CEP170B: variants seen among roughly 807,000 people sequenced by gnomAD.
CEP170B encodes centrosomal protein 170B, also known as centrosomal protein of 170 kDa protein B.
Under a neutral mutation model 120.6 loss-of-function variants are expected in CEP170B, and 55 were observed. The ratio of observed to expected loss-of-function variants is 0.46; its 90% CI spans 0.37 to 0.57. The LOEUF (loss-of-function observed/expected upper bound fraction) is 0.57, where lower values mean the gene tolerates loss of function less well. CEP170B is among the 20% of genes least tolerant of loss of function. CEP170B has a pLI of 0.00. For synonymous variants in CEP170B, 1,033 were observed against 954.5 expected (o/e 1.08, Z -1.52); for missense variants, 2,212 against 2,253.3 (o/e 0.98, Z 0.37).
Position 104,887,570 on chromosome 14 carries a change from C to G in CEP170B, c.3331C>G (p.Arg1111Gly). 1.9e-6 allele frequency: 3 copies of G among 1,597,838 alleles called. No individual in the cohort carries two copies. Among genetic ancestry groups the G allele is most frequent in the Non-Finnish European group, 2.6e-6 (3 of 1,173,782 alleles). ...SSQKGPQALT[R>G]SNSLSTPRPT... ...CCAGAAGGGGCCGCAGGCCTTGACC[C>G]GCTCCAACAGCCTGTCCACCCCTCG... Residue 1111 changes from arginine (R) to glycine (G), a missense_variant, in exon 12 of 19, where the codon CGC becomes GGC. Arg to Gly is a moderately radical substitution (Grantham distance 125). Coordinates refer to ENST00000414716, the MANE Select transcript of CEP170B (RefSeq NM_001112726.3).
Position 104,872,339 on chromosome 14 carries a change from CGTGTGTGTGCGTGT to C in CEP170B, c.105+3790_105+3803del, listed in dbSNP as rs1315097856. ...TGTGCCGTGGGTGTGCGTGGGTGTG[CGTGTGTGTGCGTGT>C]GTGTGCCGCGTGTGTGTGCCATGGG... is the stretch of plus-strand genomic sequence containing the variant. On this transcript the variant is annotated intron_variant, in intron 2 of 18. Coordinates refer to ENST00000414716, the MANE Select transcript of CEP170B (RefSeq NM_001112726.3). Among the ~76,000 whole-genome samples, 9 of 59,154 alleles carry C rather than the reference CGTGTGTGTGCGTGT, an allele frequency of 1.5e-4. No individual in the cohort carries two copies. In the East Asian group the frequency reaches 4.9e-3, roughly 32 times the overall value. 38.8% of individuals were successfully genotyped at this position (59,154 alleles called of 152,430 possible).
rs769618426 is a variant in CEP170B, at chr14:104,893,028, G to A, written c.3931G>A (p.Asp1311Asn). ...DVAILAQEIH[D>N]VAGDGDTLGS... ...GGCCATCCTAGCCCAGGAGATCCAC[G>A]ATGTGGCTGGGGACGGTGACACACT... Residue 1311 changes from aspartate (D) to asparagine (N), a missense_variant, in exon 14 of 19, where the codon GAT becomes AAT. Asp to Asn is a conservative substitution (Grantham distance 23). Around this residue, in one of 2 missense-constraint regions of CEP170B, gnomAD observed 2,166 missense variants for 2,166.7 expected, o/e 1.00. Transcript: ENST00000414716. 1.6e-5 allele frequency: 25 copies of A among 1,589,922 alleles called. No individual in the cohort carries two copies. Among genetic ancestry groups the A allele is most frequent in the Middle Eastern group, 3.4e-4 (2 of 5,908 alleles).
chr14:104,872,301 ATGGGTGTGCGTGTGTGCCGTGGGTGTGCG>A (rs1895562305), intron 2 of CEP170B, among the ~76,000 whole-genome samples: 1 of 17,816 alleles, frequency 5.6e-5, no homozygotes, highest in South Asian at 1.8e-3. Context: ...TGTGTGTGCC[ATGGGTGTGCGTGTGTGCCGTGGGTGTGCG>A]TGGGTGTGCG....
intron 13 of CEP170B, among the ~76,000 whole-genome samples, chr14:104,892,513 G>C (rs1201789249): frequency 6.6e-6 from 1 of 151,910 alleles, no homozygotes; most frequent in African/African-American, 2.4e-5. Flanking sequence ...GGAGTGCCAG[G>C]CTGTAGTTTC....
Position 104,867,444 on chromosome 14 carries a change from C to G in CEP170B, c.-27-980C>G, listed in dbSNP as rs1044230215. 6.6e-6 allele frequency among the ~76,000 whole-genome samples: 1 copy of G among 152,164 alleles called. No individual in the cohort carries two copies. Among genetic ancestry groups the G allele is most frequent in the African/African-American group, 2.4e-5 (1 of 41,436 alleles). On this transcript the variant is annotated intron_variant, in intron 1 of 18. Transcript: ENST00000414716. The surrounding 1 kb of genome is among the most constrained non-coding windows in gnomAD (Gnocchi z 5.4). ...TGCCTGCCCCCTGCTGAAGGGAGCC[C>G]CAGGATTCTGAGACTCTGTGTCTTG... is the stretch of plus-strand genomic sequence containing the variant.
intron 2 of CEP170B, among the ~76,000 whole-genome samples, chr14:104,873,099 A>AGG (rs1225832635): frequency 6.6e-6 from 1 of 151,938 alleles, no homozygotes; most frequent in Non-Finnish European, 1.5e-5. Flanking sequence ...AGTTTCTGGA[A>AGG]GGGGGTTCCC....
chr14:104,887,249 C>T lies in CEP170B; in HGVS notation c.3010C>T (p.Arg1004Cys), dbSNP rs201626691. 19 of 1,606,914 alleles carry T rather than the reference C, an allele frequency of 1.2e-5. No homozygotes were observed. Among genetic ancestry groups the T allele is most frequent in the Middle Eastern group, 3.3e-4 (2 of 6,084 alleles). ...GGGAGGCACCGCCCTGGTCAGTGCC[C>T]GTGAGCAGTCCTCAGAGAGGCAGCA... ...DPGGTALVSA[R>C]EQSSERQHHP... Residue 1004 changes from arginine (R) to cysteine (C), a missense_variant, in exon 12 of 19, where the codon CGT becomes TGT. Coordinates refer to ENST00000414716, the MANE Select transcript of CEP170B (RefSeq NM_001112726.3).
At chr14:104,885,675 T>C in intron 10 of CEP170B, 133 bp downstream of exon 10, 1 of 1,256,532 alleles carries the variant, frequency 8.0e-7, no homozygotes, top group South Asian at 1.5e-5. Context: ...CAGAGGAGGG[T>C]GGGCTGGGGC....
At chr14:104,885,633 G>A in intron 10 of CEP170B, 91 bp downstream of exon 10, 1 of 1,469,888 alleles carries the variant, frequency 6.8e-7, no homozygotes, top group South Asian at 1.3e-5. Context: ...CCCCCATGGG[G>A]CGAGACTGGA....
chr14:104,893,715 C>T (rs199933224), intron 15 of CEP170B, 46 bp from the exon 16 acceptor site: 301 of 1,584,848 alleles, frequency 1.9e-4, no homozygotes, highest in African/African-American at 4.4e-4. Flanking sequence ...GGAGCAGGGG[C>T]GGGGCTCCTC....
intron 16 of CEP170B, chr14:104,894,050 G>A: frequency 1.5e-6 from 1 of 665,178 alleles, no homozygotes; most frequent in Non-Finnish European, 2.6e-6. Flanking sequence ...CTCCAGGGCG[G>A]CCCTTCCTCC....
rs960654929 is a variant in CEP170B, at chr14:104,885,399, T to C, written c.1801T>C (p.Ser601Pro). ...VFGVLESPEL[S>P]RASSATFRPV... The stretch of plus-strand genomic sequence containing the variant: ...TGGGGTGTTGGAGTCCCCTGAACTC[T>C]CCAGGGCATCTTCGGCCACCTTTCG... The change falls in exon 10 of 19, where the codon TCC becomes CCC. Residue 601 changes from serine (S) to proline (P), a missense_variant. Ser to Pro is a moderately conservative substitution (Grantham distance 74). Coordinates refer to ENST00000414716, the MANE Select transcript of CEP170B (RefSeq NM_001112726.3). 4 of 1,570,694 alleles carry C rather than the reference T, an allele frequency of 2.5e-6. No individual in the cohort carries two copies. Among genetic ancestry groups the C allele is most frequent in the Non-Finnish European group, 3.5e-6 (4 of 1,158,292 alleles).
upstream of CEP170B, among the ~76,000 whole-genome samples, chr14:104,864,763 T>C (rs1481542721): frequency 6.6e-6 from 1 of 152,184 alleles, no homozygotes; most frequent in African/African-American, 2.4e-5. The surrounding 1 kb of genome is among the most constrained non-coding windows in gnomAD (Gnocchi z 5.9). Context: ...GAGCGGCCTC[T>C]GGAACTCACC....
At chr14:104,881,070 A>G (rs923777560) in intron 6 of CEP170B, among the ~76,000 whole-genome samples, 1 of 152,150 alleles carries the variant, frequency 6.6e-6, no homozygotes, top group African/African-American at 2.4e-5. Context: ...TATGCTCCCT[A>G]GTATCAGGCA....
chr14:104,873,965 C>A (rs1566853937), intron 2 of CEP170B, among the ~76,000 whole-genome samples: 1 of 152,154 alleles, frequency 6.6e-6, no homozygotes, highest in Non-Finnish European at 1.5e-5. Context: ...GTGCACAGGA[C>A]AGGGTGCGGG....
intron 7 of CEP170B, 83 bp downstream of exon 7, chr14:104,882,915 C>A: frequency 6.7e-7 from 1 of 1,483,620 alleles, no homozygotes; most frequent in South Asian, 1.3e-5. Flanking sequence ...CTTGAGGAGC[C>A]CACTCCGGGG....
intron 2 of CEP170B, among the ~76,000 whole-genome samples, chr14:104,872,781 C>T (rs2140640170): frequency 6.6e-6 from 1 of 152,242 alleles, no homozygotes; most frequent in East Asian, 1.9e-4. Flanking sequence ...GCCCTGGCTG[C>T]TGCTACTGCC....
Position 104,889,665 on chromosome 14 carries a change from G to GGGCCCCC in CEP170B, c.3795_3801dup (p.Asp1268ProfsTer8). 1 of 1,612,032 alleles carries GGGCCCCC rather than the reference G, an allele frequency of 6.2e-7. No individual in the cohort carries two copies. The highest frequency in any genetic ancestry group is 8.5e-7 in the Non-Finnish European group (1 of 1,179,716). On this transcript the variant is annotated frameshift_variant, in exon 13 of 19. Coordinates refer to ENST00000414716, the MANE Select transcript of CEP170B (RefSeq NM_001112726.3). LOFTEE classifies it high-confidence loss of function. The stretch of plus-strand genomic sequence containing the variant: ...GGCAGCTCCAGCCGGGCTCGTTCCC[G>GGGCCCCC]GGCCCCCGGCCCCCGGGACACGGAC...
rs1170840690 is a variant in CEP170B at position 104,887,903 on chromosome 14, G to A, written c.3664G>A (p.Ala1222Thr). Residue 1222 changes from alanine (A) to threonine (T), a missense_variant, in exon 12 of 19, where the codon GCC becomes ACC. Physicochemically the swap from Ala to Thr is moderately conservative, Grantham distance 58. Transcript: ENST00000414716. The stretch of plus-strand genomic sequence containing the variant: ...AGCACGGGCTGTCTCCAGGAAGGCT[G>A]CCAACACAGCCACCACCACGGGTCC... ...AEARAVSRKA[A>T]NTATTTGPRQ... 4.5e-6 allele frequency: 7 copies of A among 1,553,804 alleles called. No individual in the cohort carries two copies. In the Admixed American group the frequency reaches 1.1e-4, roughly 25 times the overall value.
Sources: allele counts gnomAD v4.1 joint callset (sites outside exome capture counted in the v4.1 genomes callset), GRCh38; gene constraint gnomAD v4.1.1; regional missense constraint gnomAD v4.1.1; non-coding constraint Gnocchi (gnomAD v3.1); transcripts MANE v1.5; gene names NCBI Gene and HGNC (gene_info 2026-07-23, HGNC 2026-07-21).